The following GLIS3 variants were observed in gnomAD, a reference collection of about 807,000 sequenced individuals.
GLIS3 encodes the protein zinc finger protein GLIS3.
In GLIS3, 53 loss-of-function variants were observed where a neutral mutation model predicts 78.6. The ratio of observed to expected loss-of-function variants is 0.67; its 90% CI spans 0.54 to 0.85. The LOEUF is 0.85. Ranked by LOEUF, GLIS3 falls within the 40% of genes least tolerant of loss-of-function variation. The pLI, the probability that GLIS3 is intolerant of heterozygous loss-of-function variation, is 0.00. For missense variants in GLIS3, 1,703 were observed against 1,231.1 expected, an observed-to-expected ratio of 1.38 and a Z score of -5.74; for synonymous variants, 684 against 509.9, an observed-to-expected ratio of 1.34 and a Z score of -4.60.
chr9:4,351,396 CAAAAA>C (rs5896064), upstream of GLIS3, among the ~76,000 whole-genome samples: 19 of 113,450 alleles, frequency 1.7e-4, no homozygotes, highest in Non-Finnish European at 3.6e-4. Context: ...CAGAGTGTCT[CAAAAA>C]AAAAAAAAAA....
intron 2 of GLIS3, among the ~76,000 whole-genome samples, chr9:4,226,807 A>T (rs1821808653): frequency 6.6e-6 from 1 of 152,214 alleles, no homozygotes; most frequent in Non-Finnish European, 1.5e-5. Context: ...AGGACGAAAA[A>T]GACAGTGGAT....
chr9:4,060,910 T>C (rs542262938), intron 4 of GLIS3, among the ~76,000 whole-genome samples: 3 of 152,306 alleles, frequency 2.0e-5, no homozygotes, highest in East Asian at 3.9e-4. Flanking sequence ...CATTTGAATG[T>C]GCCACCACTC....
chr9:4,076,467 A>G (rs180890927), intron 4 of GLIS3, among the ~76,000 whole-genome samples: 2 of 152,286 alleles, frequency 1.3e-5, no homozygotes, highest in Non-Finnish European at 2.9e-5. Flanking sequence ...GTACCACATT[A>G]ATTTTTCTTT....
intron 8 of GLIS3, among the ~76,000 whole-genome samples, chr9:3,876,357 TC>T (rs1375929499): frequency 2.0e-5 from 3 of 151,646 alleles, no homozygotes; most frequent in African/African-American, 7.3e-5. Flanking sequence ...CCCTATTAGA[TC>T]CCTGAATCAC....
chr9:4,308,365 G>C (rs1027321688), intron 4 of GLIS3, among the ~76,000 whole-genome samples: 1 of 152,024 alleles, frequency 6.6e-6, no homozygotes, highest in Non-Finnish European at 1.5e-5. Context: ...ACAGAGGGAA[G>C]GAATGAAGGA....
intron 4 of GLIS3, among the ~76,000 whole-genome samples, chr9:4,036,227 T>C (rs988649803): frequency 6.6e-6 from 1 of 152,210 alleles, no homozygotes; most frequent in African/African-American, 2.4e-5. Context: ...TTTGTTTTTG[T>C]TGTTTGTTTT....
At chr9:4,354,410 T>G in the GLIS3 span, among the ~76,000 whole-genome samples, 1 of 152,214 alleles carries the variant, frequency 6.6e-6, no homozygotes, top group Non-Finnish European at 1.5e-5. Context: ...AGTCACCTCC[T>G]TGAGTGAGTG....
rs569149835 is a variant in GLIS3, at chr9:3,882,470, C to A, written c.2129-2875G>T. ...GTTGAGGAGAGGTGCTACCATGCTA[C>A]GGCTGGTGCATTAGCTGGCTGCATT... is the stretch of plus-strand genomic sequence containing the variant. On this transcript the variant is annotated intron_variant, in intron 7 of 10. Transcript: ENST00000381971. Among the ~76,000 whole-genome samples, 29 of 151,890 alleles carry A rather than the reference C, an allele frequency of 1.9e-4. No homozygotes were observed. In the East Asian group the frequency reaches 5.6e-3, roughly 30 times the overall value.
the GLIS3 span, among the ~76,000 whole-genome samples, chr9:4,434,535 G>A: frequency 6.6e-6 from 1 of 152,156 alleles, no homozygotes; most frequent in African/African-American, 2.4e-5. Flanking sequence ...CCCAAAGCAC[G>A]TGATTATGGA....
Position 4,163,760 on chromosome 9 carries a change from G to C in GLIS3, c.389-37819C>G, listed in dbSNP as rs138341327. ...TCTCACAGGATTCTTGAGAAAATTA[G>C]GTATGCTCAGAATTGTGCTTAGTGT... On this transcript the variant is annotated intron_variant, in intron 2 of 10. Transcript: ENST00000381971. 1.7e-3 allele frequency among the ~76,000 whole-genome samples: 263 copies of C among 152,306 alleles called. 1 individual carries two copies. Among genetic ancestry groups the C allele is most frequent in the African/African-American group, 5.3e-3 (222 of 41,568 alleles).
At chr9:4,361,933 C>G in the GLIS3 span, among the ~76,000 whole-genome samples, 5 of 152,166 alleles carry the variant, frequency 3.3e-5, no homozygotes, top group Admixed American at 6.5e-5. Context: ...CTCTCTTCTC[C>G]TCATCCAAAA....
At chr9:4,419,450 G>C in the GLIS3 span, among the ~76,000 whole-genome samples, 3 of 152,162 alleles carry the variant, frequency 2.0e-5, no homozygotes, top group Non-Finnish European at 4.4e-5. Context: ...GGAAGGCAAA[G>C]TGGGAGGAGC....
chr9:4,340,659 T>C lies in GLIS3; in HGVS notation n.264+6422A>G, dbSNP rs548491789. 2.6e-5 allele frequency among the ~76,000 whole-genome samples: 4 copies of C among 152,256 alleles called. No homozygotes were observed. In the South Asian group the frequency reaches 8.3e-4, roughly 32 times the overall value. ...ATGGACACTTGAACCTGGAGACCGTTGTCGGAACCAGATCCCACCTGATTC... is the reference window on the plus strand; with the variant it reads ...ATGGACACTTGAACCTGGAGACCGTCGTCGGAACCAGATCCCACCTGATTC... On this transcript the variant is annotated intron_variant and non_coding_transcript_variant, in intron 2 of 4. Coordinates refer to the GLIS3 transcript ENST00000471664.
rs79857962 is a variant in GLIS3, at chr9:3,943,259, C to T, written c.1711-6070G>A. 5.1e-3 allele frequency among the ~76,000 whole-genome samples: 772 copies of T among 152,240 alleles called. 6 individuals are homozygous for T. The highest frequency in any genetic ancestry group is 0.018 in the African/African-American group (746 of 41,538). Reference sequence around the variant, plus strand: ...CATAAGGGAGAAAAAGAAAATCATTCAAATGTTTTGAGGCTTTTAAAAAGT... The same window carrying T: ...CATAAGGGAGAAAAAGAAAATCATTTAAATGTTTTGAGGCTTTTAAAAAGT... On this transcript the variant is annotated intron_variant, in intron 4 of 10. Transcript: ENST00000381971.
intron 8 of GLIS3, among the ~76,000 whole-genome samples, chr9:3,863,299 G>A (rs1255959117): frequency 6.6e-6 from 1 of 152,196 alleles, no homozygotes; most frequent in East Asian, 1.9e-4. Context: ...ATCCAGATTT[G>A]TCCCCAAATG....
intron 4 of GLIS3, among the ~76,000 whole-genome samples, chr9:3,955,425 G>A (rs1357268555): frequency 6.6e-6 from 1 of 152,192 alleles, no homozygotes; most frequent in East Asian, 1.9e-4. Context: ...ATGGCAGACA[G>A]GATGGAGGTG....
intron 1 of GLIS3, among the ~76,000 whole-genome samples, 185 bp downstream of exon 1, chr9:4,299,236 G>A (rs1252031309): frequency 6.6e-6 from 1 of 152,190 alleles, no homozygotes; most frequent in Non-Finnish European, 1.5e-5. Flanking sequence ...GTCTCTCAGT[G>A]ACCTGTGACG....
intron 2 of GLIS3, among the ~76,000 whole-genome samples, chr9:4,263,723 T>C (rs927256953): frequency 2.0e-5 from 3 of 152,228 alleles, no homozygotes; most frequent in African/African-American, 7.2e-5. Flanking sequence ...GAGTATTTTG[T>C]GGCTTCATCT....
At chr9:4,482,477 C>A in the GLIS3 span, among the ~76,000 whole-genome samples, 1 of 152,176 alleles carries the variant, frequency 6.6e-6, no homozygotes, top group Non-Finnish European at 1.5e-5. Context: ...ATCTTTCTCC[C>A]CACCCATGGG....
Sources: allele counts gnomAD v4.1 joint callset (sites outside exome capture counted in the v4.1 genomes callset), GRCh38; gene constraint gnomAD v4.1.1; transcripts MANE v1.5; gene names NCBI Gene and HGNC (gene_info 2026-07-23, HGNC 2026-07-21).